MUC7: variants seen among roughly 807,000 people sequenced by gnomAD.
MUC7 encodes the protein mucin 7, secreted, also known as mucin-7.
Under a neutral mutation model 2.5 loss-of-function variants are expected in MUC7, and 2 were observed. The observed-to-expected ratio is 0.81, with a 90% confidence interval of 0.33 to 2.55. MUC7 has a LOEUF of 2.55. Ranked by LOEUF, MUC7 falls within the 30% of genes most tolerant of loss-of-function variation. The probability of loss-of-function intolerance (pLI) is 0.11; values close to 1 mark genes in which losing one functional copy is unlikely to be tolerated. For missense variants in MUC7, 408 were observed against 455.6 expected (o/e 0.90, Z 0.95); for synonymous variants, 133 against 173.4 (o/e 0.77, Z 1.83).
At chr4:70,433,038 G>T (rs1383485870) in intron 1 of MUC7, among the ~76,000 whole-genome samples, 3 of 152,152 alleles carry the variant, frequency 2.0e-5, no homozygotes, top group East Asian at 3.8e-4. Context: ...TCAGATGGTT[G>T]TAGATCTATG....
rs747464055 is a variant in MUC7, at chr4:70,481,907, A to G, written c.*29A>G. The G allele has an allele frequency of 1.3e-5, 21 of 1,595,050 alleles. No homozygotes were observed. Among genetic ancestry groups the G allele is most frequent in the Admixed American group, 3.4e-5 (2 of 58,360 alleles). ...ATTGTATGTTGTAAAGTGTTCTGTC[A>G]TTTACAAGATGTGATTCATGAGTGC... On this transcript the variant is annotated 3_prime_UTR_variant, in exon 3 of 3. Coordinates refer to ENST00000304887, the MANE Select transcript of MUC7 (RefSeq NM_152291.3).
chr4:70,471,839 A>G (rs1025942498), upstream of MUC7: 9 of 152,110 alleles, frequency 5.9e-5, no homozygotes, highest in African/African-American at 2.2e-4. Context: ...CATCACATTA[A>G]CTGTCAGAAG....
At chr4:70,466,085 A>C (rs1734676517) in intron 1 of MUC7, among the ~76,000 whole-genome samples, 1 of 152,254 alleles carries the variant, frequency 6.6e-6, no homozygotes, top group African/African-American at 2.4e-5. Flanking sequence ...GCAAGCCAGA[A>C]TATAGTGGGG....
upstream of MUC7, among the ~76,000 whole-genome samples, chr4:70,469,043 T>C (rs1398927177): frequency 2.6e-5 from 4 of 152,176 alleles, no homozygotes; most frequent in Non-Finnish European, 5.9e-5. Flanking sequence ...AACATGGTAC[T>C]GGCACCAAAA....
intron 1 of MUC7, among the ~76,000 whole-genome samples, chr4:70,461,557 T>A (rs1482056888): frequency 2.0e-5 from 3 of 152,246 alleles, no homozygotes; most frequent in Admixed American, 6.5e-5. Flanking sequence ...CCCTGCCCTT[T>A]AAGTCTAATG....
chr4:70,454,650 G>A (rs1014541617), intron 1 of MUC7, among the ~76,000 whole-genome samples: 2 of 152,154 alleles, frequency 1.3e-5, no homozygotes, highest in Non-Finnish European at 2.9e-5. Context: ...TGGTTCTTTG[G>A]AAGGTCCTTT....
At chr4:70,478,247 T>A (rs935944353) in intron 2 of MUC7, among the ~76,000 whole-genome samples, 2 of 152,198 alleles carry the variant, frequency 1.3e-5, no homozygotes, top group South Asian at 4.1e-4. Flanking sequence ...CACTTTTAAA[T>A]GTTAATACTT....
chr4:70,470,312 C>T (rs534112275), upstream of MUC7, among the ~76,000 whole-genome samples: 3 of 152,100 alleles, frequency 2.0e-5, no homozygotes, highest in Admixed American at 1.3e-4. Flanking sequence ...ATGTAGGTGA[C>T]AGGTTGATGG....
upstream of MUC7, among the ~76,000 whole-genome samples, chr4:70,471,420 ATTT>A (rs1474611533): frequency 6.6e-6 from 1 of 152,162 alleles, no homozygotes; most frequent in Non-Finnish European, 1.5e-5. Context: ...TATAAACTCA[ATTT>A]TAGATTATAT....
At chr4:70,438,895 T>C (rs1733932996) in intron 1 of MUC7, among the ~76,000 whole-genome samples, 1 of 152,236 alleles carries the variant, frequency 6.6e-6, no homozygotes. Flanking sequence ...AGGTAAACAA[T>C]TGATTTATGC....
chr4:70,448,099 T>C (rs1450164057), intron 1 of MUC7, among the ~76,000 whole-genome samples: 1 of 152,204 alleles, frequency 6.6e-6, no homozygotes, highest in Non-Finnish European at 1.5e-5. Context: ...GTTCCACCCA[T>C]ATTGTTACAA....
chr4:70,464,935 C>A (rs7668483), intron 1 of MUC7, among the ~76,000 whole-genome samples: 2,058 of 152,304 alleles, frequency 0.014, 49 homozygotes, highest in African/African-American at 0.047. Flanking sequence ...GGTCCCTGAC[C>A]CCTGTGCCTC....
rs138043064 is a variant in MUC7, at chr4:70,480,590, G to C, written c.55-209G>C. ...AATATATTCATCCCAGCTATCTAGA[G>C]AGTAGACATTTGACAAAAGAAAACT... On this transcript the variant is annotated intron_variant, in intron 2 of 2. Transcript: ENST00000304887. 3.6e-5 allele frequency among the ~76,000 whole-genome samples: 5 copies of C among 138,322 alleles called. No homozygotes were observed. The East Asian group carries it at 8.0e-4, about 22-fold the overall frequency. 90.7% of individuals were successfully genotyped at this position (138,322 alleles called of 152,430 possible). A position where few individuals can be genotyped will look rare whatever the true frequency, so the allele number is the denominator to read the frequency against.
At chr4:70,443,667 C>G (rs983509943) in intron 1 of MUC7, among the ~76,000 whole-genome samples, 1 of 152,146 alleles carries the variant, frequency 6.6e-6, no homozygotes, top group Non-Finnish European at 1.5e-5. Flanking sequence ...CCACAGCAAA[C>G]TAACCAAGAA....
upstream of MUC7, among the ~76,000 whole-genome samples, chr4:70,467,536 G>A (rs1361777265): frequency 6.6e-6 from 1 of 152,052 alleles, no homozygotes; most frequent in Non-Finnish European, 1.5e-5. Context: ...GAAGAAAAGA[G>A]AGAAGAATCA....
intron 1 of MUC7, among the ~76,000 whole-genome samples, chr4:70,456,723 G>A (rs943855809): frequency 1.4e-4 from 22 of 152,040 alleles, no homozygotes; most frequent in Admixed American, 1.3e-3. Flanking sequence ...ATTTGGGTGG[G>A]GACACAGAGC....
At chr4:70,447,428 G>GA (rs542324844) in intron 1 of MUC7, among the ~76,000 whole-genome samples, 7 of 149,898 alleles carry the variant, frequency 4.7e-5, no homozygotes, top group South Asian at 2.1e-4. Context: ...TACATACTCA[G>GA]AAAAAAAAAG....
At chr4:70,463,992 G>A (rs561640210) in intron 1 of MUC7, among the ~76,000 whole-genome samples, 1 of 151,960 alleles carries the variant, frequency 6.6e-6, no homozygotes. Flanking sequence ...CCAGTCTGCA[G>A]CTCCCAGTGA....
At chr4:70,478,328 C>T (rs1431565476) in intron 2 of MUC7, among the ~76,000 whole-genome samples, 3 of 152,120 alleles carry the variant, frequency 2.0e-5, no homozygotes, top group African/African-American at 7.2e-5. Flanking sequence ...CTAATGAGTA[C>T]CTGCCATATG....
Sources: gnomAD v4.1 joint callset for allele counts (sites outside exome capture counted in the v4.1 genomes callset) on GRCh38, gnomAD v4.1.1 for gene constraint, MANE v1.5 for transcripts, NCBI Gene and HGNC (gene_info 2026-07-23, HGNC 2026-07-21) for gene names.